Variants in SERP2 observed in about 807,000 individuals in gnomAD.
The protein encoded by SERP2 is stress-associated endoplasmic reticulum protein 2.
Under a neutral mutation model 9.1 loss-of-function variants are expected in SERP2, and 6 were observed. The ratio of observed to expected loss-of-function variants is 0.66; its 90% CI spans 0.36 to 1.30. SERP2 has a LOEUF of 1.30. Ranked by LOEUF, SERP2 falls within the 50% of genes most tolerant of loss-of-function variation. The probability of loss-of-function intolerance (pLI) is 0.03; values close to 1 mark genes in which losing one functional copy is unlikely to be tolerated. For missense variants in SERP2, 58 were observed against 81.9 expected, an observed-to-expected ratio of 0.71 and a Z score of 1.13; for synonymous variants, 37 against 27.3, an observed-to-expected ratio of 1.35 and a Z score of -1.10.
chr13:44,395,928 G>A, intron 2 of SERP2: 2 of 446,468 alleles, frequency 4.5e-6, no homozygotes, highest in South Asian at 3.2e-5. Flanking sequence ...GCCCAGAAGT[G>A]CAGCTGACCA....
intron 2 of SERP2, among the ~76,000 whole-genome samples, chr13:44,383,541 TG>T (rs760615084): frequency 5.2e-5 from 4 of 76,352 alleles, no homozygotes; most frequent in African/African-American, 1.6e-4. Context: ...TCTGGAGGTT[TG>T]CGTTTTTTTT....
intron 2 of SERP2, among the ~76,000 whole-genome samples, chr13:44,380,315 A>C (rs1871899264): frequency 6.6e-6 from 1 of 152,120 alleles, no homozygotes; most frequent in African/African-American, 2.4e-5. Flanking sequence ...CCTGATCCCC[A>C]TATGTTGGGT....
chr13:44,389,967 AT>A (rs144047295), intron 2 of SERP2, among the ~76,000 whole-genome samples: 1,770 of 152,296 alleles, frequency 0.012, 39 homozygotes, highest in African/African-American at 0.041. Context: ...TCATAGAGGA[AT>A]TTGGCCAATG....
At chr13:44,388,139 CTT>C (rs11357439) in intron 2 of SERP2, among the ~76,000 whole-genome samples, 499 of 147,806 alleles carry the variant, frequency 3.4e-3, no homozygotes, top group Middle Eastern at 0.01. Context: ...GGTTTTTGGT[CTT>C]TTTTTTTTTT....
chr13:44,392,216 CCT>C (rs1872822568), intron 2 of SERP2, among the ~76,000 whole-genome samples: 1 of 9,778 alleles, frequency 1.0e-4, no homozygotes, highest in Admixed American at 8.2e-4. Flanking sequence ...AAAAAAAAGC[CCT>C]GTGGTGAGAG....
chr13:44,380,442 T>C (rs1435942461), intron 2 of SERP2, among the ~76,000 whole-genome samples: 1 of 152,134 alleles, frequency 6.6e-6, no homozygotes, highest in Admixed American at 6.5e-5. Context: ...GGTCCACATC[T>C]TCCTGCTCAG....
At chr13:44,392,082 C>T (rs1346870605) in intron 2 of SERP2, among the ~76,000 whole-genome samples, 1 of 151,092 alleles carries the variant, frequency 6.6e-6, no homozygotes, top group African/African-American at 2.4e-5. Flanking sequence ...CCTGTAGTCC[C>T]AGCTACTCAG....
rs1240267095 is a variant in SERP2 at position 44,379,438 on chromosome 13, T to G, written c.85-203T>G. Among the ~76,000 whole-genome samples, 4 of 152,220 alleles carry G rather than the reference T, an allele frequency of 2.6e-5. No individual in the cohort carries two copies. In the East Asian group the frequency reaches 7.7e-4, roughly 29 times the overall value. ...GTTCACTGAGTTACAGGGATGTTAA[T>G]AAGGTTATGGATGAATTTTTACAAA... On this transcript the variant is annotated intron_variant, in intron 1 of 2. Coordinates refer to ENST00000379179, the MANE Select transcript of SERP2 (RefSeq NM_001010897.3).
chr13:44,381,238 CAAAAAAA>C (rs58535681), intron 2 of SERP2, among the ~76,000 whole-genome samples: 1 of 46,010 alleles, frequency 2.2e-5, no homozygotes, highest in Admixed American at 2.2e-4. Context: ...AACTCCGTCT[CAAAAAAA>C]AAAAAAAAAA....
chr13:44,374,121 T>C lies in SERP2; in HGVS notation c.84+12T>C, dbSNP rs1871477922. On this transcript the variant is annotated intron_variant, in intron 1 of 2. Transcript: ENST00000379179. ...TAGCCAAAACCCTGGTAAGGCGGGG[T>C]CGGCGCCGGCCAGGCAGAGCCCTGC... 9.1e-6 allele frequency: 12 copies of C among 1,319,204 alleles called. No homozygotes were observed. Among genetic ancestry groups the C allele is most frequent in the Non-Finnish European group, 1.1e-5 (11 of 1,003,904 alleles). The allele number at this position is 1,319,204 out of a possible 1,614,324, so 81.7% of individuals were successfully genotyped here.
intron 2 of SERP2, among the ~76,000 whole-genome samples, 160 bp downstream of exon 2, chr13:44,379,873 A>G (rs1489131883): frequency 6.6e-6 from 1 of 152,202 alleles, no homozygotes; most frequent in African/African-American, 2.4e-5. Flanking sequence ...TTTAGTTTCT[A>G]TTCCAAATAT....
chr13:44,377,422 C>T (rs1463822945), intron 1 of SERP2, among the ~76,000 whole-genome samples: 3 of 152,162 alleles, frequency 2.0e-5, no homozygotes, highest in Non-Finnish European at 4.4e-5. Context: ...GTGGGAAGGG[C>T]GAATGTCACA....
chr13:44,384,456 C>T (rs1872202483), intron 2 of SERP2, among the ~76,000 whole-genome samples: 1 of 152,144 alleles, frequency 6.6e-6, no homozygotes, highest in South Asian at 2.1e-4. Flanking sequence ...AAGCTCTCAT[C>T]GGTGGTCTGT....
chr13:44,393,431 C>T (rs1309386139), intron 2 of SERP2, among the ~76,000 whole-genome samples: 2 of 152,156 alleles, frequency 1.3e-5, no homozygotes, highest in African/African-American at 4.8e-5. Flanking sequence ...GGGCCAGGAT[C>T]CTTGACACAG....
At chr13:44,383,555 T>TTTG (rs1280230992) in intron 2 of SERP2, among the ~76,000 whole-genome samples, 2 of 144,442 alleles carry the variant, frequency 1.4e-5, no homozygotes, top group African/African-American at 5.2e-5. Flanking sequence ...TTTTTTTTGT[T>TTTG]TTTTTTTTTT....
At chr13:44,379,815 G>T in intron 2 of SERP2, 102 bp downstream of exon 2, 1 of 757,654 alleles carries the variant, frequency 1.3e-6, no homozygotes, top group Non-Finnish European at 2.2e-6. Flanking sequence ...TACTGGTATG[G>T]GATTCAAGTT....
intron 1 of SERP2, 31 bp downstream of exon 1, chr13:44,374,140 G>A: frequency 2.9e-6 from 2 of 692,650 alleles, no homozygotes; most frequent in South Asian, 1.7e-5. Context: ...GCCAGGCAGA[G>A]CCCTGCAGCC....
At chr13:44,382,933 A>G (rs188072235) in intron 2 of SERP2, among the ~76,000 whole-genome samples, 1 of 152,320 alleles carries the variant, frequency 6.6e-6, no homozygotes, top group Non-Finnish European at 1.5e-5. Context: ...CTTGGCTGGC[A>G]TGGATAAGGA....
intron 2 of SERP2, among the ~76,000 whole-genome samples, chr13:44,391,871 T>C (rs180673007): frequency 2.0e-5 from 3 of 151,932 alleles, no homozygotes; most frequent in Admixed American, 2.0e-4. Flanking sequence ...AACTAGGGAA[T>C]AGGGTGGGGT....
Sources: allele counts gnomAD v4.1 joint callset (sites outside exome capture counted in the v4.1 genomes callset), GRCh38; gene constraint gnomAD v4.1.1; transcripts MANE v1.5; gene names NCBI Gene and HGNC (gene_info 2026-07-23, HGNC 2026-07-21).